CFAP47: variants seen among roughly 807,000 people sequenced by gnomAD.
CFAP47 encodes cilia- and flagella-associated protein 47.
A neutral mutation model predicts 148.1 loss-of-function variants in CFAP47; 29 were observed. The ratio of observed to expected loss-of-function variants is 0.20; its 90% CI spans 0.15 to 0.27. CFAP47 has a LOEUF of 0.27. CFAP47 is among the 10% of genes least tolerant of loss of function. The pLI, the probability that CFAP47 is intolerant of heterozygous loss-of-function variation, is 1.00. For missense variants in CFAP47, 1,872 were observed against 1,697.5 expected, an observed-to-expected ratio of 1.10 and a Z score of -1.81; for synonymous variants, 664 against 577.3, an observed-to-expected ratio of 1.15 and a Z score of -2.15.
In CFAP47 at chrX:36,166,496, A is replaced by G. The variant is rs1216983798; in HGVS notation, c.6026+5727A>G. 3.6e-5 allele frequency among the ~76,000 whole-genome samples: 4 copies of G among 110,776 alleles called. No individual in the cohort carries two copies. In the Admixed American group the frequency reaches 3.9e-4, roughly 11 times the overall value. ...GTTGATATTCTCTATTTGATGCCAC[A>G]TTGTCATCATGCTTTCCTTTACTTC... On this transcript the variant is annotated intron_variant, in intron 39 of 63. Coordinates refer to ENST00000378653, the MANE Select transcript of CFAP47 (RefSeq NM_001304548.2).
intron 26 of CFAP47, among the ~76,000 whole-genome samples, chrX:36,065,114 A>T (rs1601956125): frequency 8.9e-6 from 1 of 112,060 alleles, no homozygotes; most frequent in East Asian, 2.8e-4. Flanking sequence ...CTGAACATAA[A>T]CCTTAGAGAA....
chrX:36,134,188 A>C (rs1156380564), intron 33 of CFAP47, among the ~76,000 whole-genome samples: 1 of 111,419 alleles, frequency 9.0e-6, no homozygotes, highest in Non-Finnish European at 1.9e-5. Flanking sequence ...AAATAGAGAA[A>C]TATAGCATGC....
At chrX:36,300,230 G>C (rs1336368718) in intron 52 of CFAP47, among the ~76,000 whole-genome samples, 1 of 110,451 alleles carries the variant, frequency 9.1e-6, no homozygotes, top group Non-Finnish European at 1.9e-5. Flanking sequence ...AAAAAGTTAA[G>C]TGACTTTTTC....
intron 8 of CFAP47, 121 bp downstream of exon 8, chrX:35,956,317 C>T: frequency 1.8e-6 from 1 of 550,730 alleles, no homozygotes; most frequent in South Asian, 3.2e-5. Flanking sequence ...TTCTCTTCTG[C>T]AGCCTAGTTA....
At chrX:36,298,956 A>T in intron 51 of CFAP47, 21 bp from the exon 52 acceptor site, 1 of 1,068,063 alleles carries the variant, frequency 9.4e-7, no homozygotes, top group Non-Finnish European at 1.3e-6. Context: ...AGTTGATTAC[A>T]TATTTGTTGT....
chrX:36,028,755 A>G (rs1445840471), intron 22 of CFAP47, among the ~76,000 whole-genome samples: 1 of 111,269 alleles, frequency 9.0e-6, no homozygotes, highest in Non-Finnish European at 1.9e-5. Context: ...GGTTTTTAGT[A>G]GAGTCTTTAA....
intron 45 of CFAP47, among the ~76,000 whole-genome samples, chrX:36,217,902 A>G (rs1940174664): frequency 8.9e-6 from 1 of 112,099 alleles, no homozygotes; most frequent in African/African-American, 3.2e-5. Flanking sequence ...GTAAGTAAAA[A>G]AAAAGTGAAC....
intron 61 of CFAP47, 36 bp downstream of exon 61, chrX:36,361,537 G>A: frequency 1.6e-6 from 1 of 631,035 alleles, no homozygotes; most frequent in Non-Finnish European, 2.3e-6. Flanking sequence ...TTAAACAATA[G>A]TATTACCCTT....
intron 36 of CFAP47, among the ~76,000 whole-genome samples, chrX:36,145,982 C>A (rs1464182942): frequency 9.1e-6 from 1 of 110,457 alleles, no homozygotes; most frequent in African/African-American, 3.3e-5. Context: ...TTAGTAAATA[C>A]TGAGGTTCAA....
At chrX:36,089,137 G>T (rs1055759233) in intron 30 of CFAP47, among the ~76,000 whole-genome samples, 1 of 111,639 alleles carries the variant, frequency 9.0e-6, no homozygotes, top group African/African-American at 3.3e-5. Context: ...GGAGGCCGAG[G>T]TGAGTGGATC....
intron 39 of CFAP47, among the ~76,000 whole-genome samples, chrX:36,165,052 T>G (rs967013971): frequency 6.2e-5 from 7 of 112,176 alleles, no homozygotes; most frequent in Admixed American, 5.7e-4. Context: ...TGCTTATTTA[T>G]AATTCTGTGA....
chrX:36,367,041 A>G lies in CFAP47; in HGVS notation c.9099A>G (p.Glu3033=), dbSNP rs6632593. Reference sequence around the variant, plus strand: ...TTCCCATAATGTTGATCGCTACTGAACCTGATACGGATGCTGTCATTGACA... The same window carrying G: ...TTCCCATAATGTTGATCGCTACTGAGCCTGATACGGATGCTGTCATTGACA... ...WKFPIMLIAT[E]PDTDAVIDIE... is the part of the protein sequence containing the mutation. The change falls in exon 62 of 64, where the codon GAA becomes GAG. Residue 3033 remains glutamate (E), a synonymous_variant. Coordinates refer to ENST00000378653, the MANE Select transcript of CFAP47 (RefSeq NM_001304548.2). 0.087 allele frequency: 99,954 copies of G among 1,154,342 alleles called. 3,282 individuals are homozygous for G. The highest frequency in any genetic ancestry group is 0.2 in the South Asian group (10,265 of 51,932).
At chrX:36,230,892 C>G (rs1325815072) in intron 46 of CFAP47, among the ~76,000 whole-genome samples, 30 of 106,188 alleles carry the variant, frequency 2.8e-4, no homozygotes, top group Non-Finnish European at 3.6e-4. Context: ...GCTTGTTTTT[C>G]TCAGGTTTGT....
chrX:36,009,285 G>A (rs1407629435), intron 21 of CFAP47, among the ~76,000 whole-genome samples: 7 of 109,852 alleles, frequency 6.4e-5, no homozygotes, highest in Non-Finnish European at 5.7e-5. Flanking sequence ...TAAAATAATA[G>A]TAATATTATA....
chrX:35,955,873 G>C, intron 7 of CFAP47, 88 bp from the exon 8 acceptor site: 1 of 1,134,185 alleles, frequency 8.8e-7, no homozygotes, highest in Non-Finnish European at 1.2e-6. Flanking sequence ...ATTTGCATTA[G>C]GTATTTCAGA....
intron 51 of CFAP47, among the ~76,000 whole-genome samples, chrX:36,291,142 A>G (rs1941188947): frequency 8.9e-6 from 1 of 111,780 alleles, no homozygotes; most frequent in Admixed American, 9.5e-5. Flanking sequence ...ATGGCAAACT[A>G]TCAGCCTATT....
intron 17 of CFAP47, among the ~76,000 whole-genome samples, chrX:35,992,450 T>G (rs1256031940): frequency 9.1e-6 from 1 of 110,291 alleles, no homozygotes; most frequent in Non-Finnish European, 1.9e-5. Flanking sequence ...AGTAATAGAG[T>G]TTAGCATTTG....
At chrX:36,359,010 A>T (rs1453541362) in intron 60 of CFAP47, among the ~76,000 whole-genome samples, 1 of 112,009 alleles carries the variant, frequency 8.9e-6, no homozygotes, top group Non-Finnish European at 1.9e-5. Flanking sequence ...ATTAGTAGTT[A>T]TTGTCAGTTT....
intron 31 of CFAP47, 43 bp from the exon 32 acceptor site, chrX:36,099,708 G>T (rs747996266): frequency 8.4e-6 from 5 of 593,997 alleles, no homozygotes; most frequent in African/African-American, 2.3e-5. Flanking sequence ...TGCTAAATTT[G>T]CCTTAAATTT....
Sources: allele counts gnomAD v4.1 joint callset (sites outside exome capture counted in the v4.1 genomes callset), GRCh38; gene constraint gnomAD v4.1.1; transcripts MANE v1.5; gene names NCBI Gene and HGNC (gene_info 2026-07-23, HGNC 2026-07-21).